The following TIAM1 variants were observed in gnomAD, a reference collection of about 807,000 sequenced individuals.
The protein encoded by TIAM1 is rho guanine nucleotide exchange factor TIAM1.
A neutral mutation model predicts 163.5 loss-of-function variants in TIAM1; 65 were observed. The observed-to-expected ratio is 0.40, with a 90% CI of 0.33 to 0.49. The LOEUF (loss-of-function observed/expected upper bound fraction) is 0.49, where lower values mean the gene tolerates loss of function less well. Among genes scored for constraint, TIAM1 ranks in the 20% least tolerant of loss-of-function variants. The pLI, the probability that TIAM1 is intolerant of heterozygous loss-of-function variation, is 0.77. For missense variants in TIAM1, 1,789 were observed against 2,044.7 expected (o/e 0.87, Z 2.41); for synonymous variants, 833 against 810.1 (o/e 1.03, Z -0.48).
At chr21:31,456,367 G>C (rs112019825) in intron 2 of TIAM1, among the ~76,000 whole-genome samples, 30 of 152,304 alleles carry the variant, frequency 2.0e-4, no homozygotes, top group African/African-American at 7.0e-4. Flanking sequence ...GACCAGGTGC[G>C]TGAGGATCAG....
At chr21:31,420,904 C>G (rs1002721869) in intron 2 of TIAM1, among the ~76,000 whole-genome samples, 2 of 152,104 alleles carry the variant, frequency 1.3e-5, no homozygotes, top group Non-Finnish European at 2.9e-5. Context: ...GGTGGACCAC[C>G]TGAGGTCAGG....
chr21:31,190,706 T>C (rs1402477827), intron 13 of TIAM1, among the ~76,000 whole-genome samples: 1 of 152,166 alleles, frequency 6.6e-6, no homozygotes, highest in Admixed American at 6.5e-5. Context: ...TAACTGGATA[T>C]GTGAACTAAT....
At chr21:31,273,853 T>C (rs2073173759) in intron 3 of TIAM1, among the ~76,000 whole-genome samples, 1 of 152,158 alleles carries the variant, frequency 6.6e-6, no homozygotes, top group Admixed American at 6.5e-5. Context: ...TAAACACCCT[T>C]GAAATTAATG....
chr21:31,507,122 T>C (rs1282022395), intron 1 of TIAM1, among the ~76,000 whole-genome samples: 1 of 150,380 alleles, frequency 6.6e-6, no homozygotes, highest in Admixed American at 6.7e-5. Flanking sequence ...AGAAGTGAAA[T>C]TGCTAGATCA....
intron 2 of TIAM1, among the ~76,000 whole-genome samples, chr21:31,458,318 G>T (rs2147342602): frequency 6.6e-6 from 1 of 152,084 alleles, no homozygotes; most frequent in South Asian, 2.1e-4. Context: ...TACTCAGGAG[G>T]CTGTGGCAGG....
At chr21:31,447,155 G>A (rs2044656329) in intron 2 of TIAM1, among the ~76,000 whole-genome samples, 1 of 152,192 alleles carries the variant, frequency 6.6e-6, no homozygotes, top group Admixed American at 6.5e-5. Flanking sequence ...CTGGGAGGCT[G>A]AGGAAGGGGG....
intron 2 of TIAM1, among the ~76,000 whole-genome samples, chr21:31,281,657 T>C: frequency 6.6e-6 from 1 of 152,128 alleles, no homozygotes; most frequent in East Asian, 1.9e-4. Flanking sequence ...GGATGGTAGA[T>C]GGGTAGATGA....
intron 19 of TIAM1, among the ~76,000 whole-genome samples, chr21:31,147,337 C>T (rs2083170139): frequency 6.6e-6 from 1 of 152,026 alleles, no homozygotes; most frequent in African/African-American, 2.4e-5. Context: ...TCAGAAATCT[C>T]AATTCTCTCA....
intron 11 of TIAM1, among the ~76,000 whole-genome samples, chr21:31,207,778 TG>T (rs1319107947): frequency 3.3e-5 from 5 of 152,192 alleles, no homozygotes. Context: ...TTAGTACAGA[TG>T]GGGTTTTGCC....
intron 2 of TIAM1, among the ~76,000 whole-genome samples, chr21:31,280,645 C>T (rs768409363): frequency 3.3e-5 from 5 of 152,054 alleles, no homozygotes; most frequent in Non-Finnish European, 5.9e-5. Context: ...TTCAAATACC[C>T]GCAAAAATTG....
At chr21:31,520,359 A>G (rs964586357) in intron 1 of TIAM1, among the ~76,000 whole-genome samples, 5 of 152,120 alleles carry the variant, frequency 3.3e-5, no homozygotes, top group African/African-American at 1.2e-4. Context: ...AATGGTTACA[A>G]TGACAAACGA....
At chr21:31,525,668 T>A (rs2047754998) in intron 1 of TIAM1, among the ~76,000 whole-genome samples, 1 of 151,964 alleles carries the variant, frequency 6.6e-6, no homozygotes, top group Admixed American at 6.6e-5. Context: ...GGCACCAGAG[T>A]CCATGCTATT....
chr21:31,395,392 A>G lies in TIAM1; in HGVS notation c.-368-55970T>C, dbSNP rs2077048178. Among the ~76,000 whole-genome samples, 1 of 152,178 alleles carries G rather than the reference A, an allele frequency of 6.6e-6. No homozygotes were observed. Among genetic ancestry groups the G allele is most frequent in the South Asian group, 2.1e-4 (1 of 4,830 alleles). On this transcript the variant is annotated intron_variant, in intron 2 of 28. Coordinates refer to the TIAM1 transcript ENST00000286827. This position sits in a 1 kb window ranked among gnomAD's most constrained non-coding sequence, Gnocchi z 7.5. ...TCCAGAGAGAAGCAGTCCACTGGGGACACGGTGCCGCTGCAGCCATGTGAC... is the reference window on the plus strand; with the variant it reads ...TCCAGAGAGAAGCAGTCCACTGGGGGCACGGTGCCGCTGCAGCCATGTGAC...
chr21:31,260,025 A>G (rs898607609), intron 4 of TIAM1, among the ~76,000 whole-genome samples: 5 of 150,968 alleles, frequency 3.3e-5, no homozygotes, highest in Non-Finnish European at 7.4e-5. Flanking sequence ...AAAGCCTCAA[A>G]TTCCTAGGTT....
chr21:31,270,327 G>A (rs903415691), intron 3 of TIAM1, among the ~76,000 whole-genome samples: 1 of 152,162 alleles, frequency 6.6e-6, no homozygotes, highest in Non-Finnish European at 1.5e-5. Flanking sequence ...GAGAATATTT[G>A]GGACAAGGAG....
chr21:31,537,608 C>T (rs2048181034), intron 1 of TIAM1, among the ~76,000 whole-genome samples: 1 of 151,968 alleles, frequency 6.6e-6, no homozygotes, highest in Admixed American at 6.6e-5. Context: ...AAAAATTGCC[C>T]AGGCATGGTG....
chr21:31,478,338 T>A (rs1283498898), intron 1 of TIAM1, among the ~76,000 whole-genome samples: 1 of 152,238 alleles, frequency 6.6e-6, no homozygotes, highest in Non-Finnish European at 1.5e-5. Context: ...GGATTTGCTT[T>A]ACTACCTACT....
At chr21:31,519,820 CA>C (rs2047517799) in intron 1 of TIAM1, among the ~76,000 whole-genome samples, 1 of 152,132 alleles carries the variant, frequency 6.6e-6, no homozygotes, top group Non-Finnish European at 1.5e-5. Flanking sequence ...GTTAAGATTC[CA>C]CTTACATGAG....
In TIAM1 at chr21:31,500,579, CAA is replaced by C. The variant is rs1410089169; in HGVS notation, c.-421-36546_-421-36545del. 9.2e-5 allele frequency among the ~76,000 whole-genome samples: 14 copies of C among 152,198 alleles called. No homozygotes were observed. The South Asian group carries it at 1.2e-3, about 14-fold the overall frequency. ...GAAACAAGGTCACTGCAGATGTGGT[CAA>C]GTTAAGAAGAGGTCACACTGGGGCA... On this transcript the variant is annotated intron_variant, in intron 1 of 28. Coordinates refer to the TIAM1 transcript ENST00000286827.
Sources: allele counts gnomAD v4.1 joint callset (sites outside exome capture counted in the v4.1 genomes callset), GRCh38; gene constraint gnomAD v4.1.1; non-coding constraint Gnocchi (gnomAD v3.1); transcripts MANE v1.5; gene names NCBI Gene and HGNC (gene_info 2026-07-23, HGNC 2026-07-21).